NFIA: variants seen among roughly 807,000 people sequenced by gnomAD.
NFIA encodes nuclear factor I A.
Under a neutral mutation model 62.8 loss-of-function variants are expected in NFIA, and 8 were observed. That is an observed-to-expected ratio of 0.13 (90% CI 0.07 to 0.23). The LOEUF (loss-of-function observed/expected upper bound fraction) is 0.23, where lower values mean the gene tolerates loss of function less well. NFIA is among the 10% of genes least tolerant of loss of function. The pLI is 1.00. For synonymous variants in NFIA, 235 were observed against 238.1 expected (o/e 0.99, Z 0.12); for missense variants, 410 against 642.1 (o/e 0.64, Z 3.91).
chr1:61,108,239 T>A (rs1646637952), intron 2 of NFIA, among the ~76,000 whole-genome samples: 1 of 151,728 alleles, frequency 6.6e-6, no homozygotes, highest in Non-Finnish European at 1.5e-5. Context: ...GACATCTTTT[T>A]TTAACTATCA....
At chr1:61,252,351 C>T (rs1354381836) in intron 2 of NFIA, among the ~76,000 whole-genome samples, 1 of 152,134 alleles carries the variant, frequency 6.6e-6, no homozygotes, top group Non-Finnish European at 1.5e-5. Flanking sequence ...TATTCCGGAC[C>T]TGTTTATACT....
intron 2 of NFIA, among the ~76,000 whole-genome samples, chr1:61,189,254 C>G (rs1651435981): frequency 6.6e-6 from 1 of 152,100 alleles, no homozygotes; most frequent in Non-Finnish European, 1.5e-5. Flanking sequence ...GAGTGTGGAG[C>G]TGGGGCCTGA....
chr1:61,436,269 C>T (rs1046588080), intron 10 of NFIA, among the ~76,000 whole-genome samples: 3 of 152,068 alleles, frequency 2.0e-5, no homozygotes, highest in Non-Finnish European at 4.4e-5. Context: ...AGGAAAAGAG[C>T]CTGGTTTTGC....
At chr1:61,245,173 T>C (rs967017631) in intron 2 of NFIA, among the ~76,000 whole-genome samples, 1 of 152,186 alleles carries the variant, frequency 6.6e-6, no homozygotes, top group Non-Finnish European at 1.5e-5. Flanking sequence ...CTATAAAATT[T>C]AGATGGGTTT....
At chr1:61,452,187 C>T (rs2100589795) in intron 10 of NFIA, among the ~76,000 whole-genome samples, 1 of 152,204 alleles carries the variant, frequency 6.6e-6, no homozygotes, top group South Asian at 2.1e-4. Flanking sequence ...GTGACTGTCA[C>T]ACTCATCCCA....
intron 2 of NFIA, among the ~76,000 whole-genome samples, chr1:61,199,924 G>T (rs1159855605): frequency 6.7e-6 from 1 of 149,972 alleles, no homozygotes; most frequent in Non-Finnish European, 1.5e-5. Flanking sequence ...GAAACCAGGA[G>T]GCGGAGGCTG....
chr1:61,177,889 C>T (rs1650499891), intron 2 of NFIA, among the ~76,000 whole-genome samples: 1 of 152,178 alleles, frequency 6.6e-6, no homozygotes, highest in African/African-American at 2.4e-5. Flanking sequence ...TCTTGCAAAT[C>T]AACCTTGGGA....
At chr1:61,239,995 G>C (rs572571239) in intron 2 of NFIA, among the ~76,000 whole-genome samples, 2 of 152,098 alleles carry the variant, frequency 1.3e-5, no homozygotes, top group South Asian at 2.1e-4. Flanking sequence ...TTCTAGCATG[G>C]TTTACGTCAT....
chr1:61,130,763 C>G (rs1232611309), intron 2 of NFIA, among the ~76,000 whole-genome samples: 3 of 152,146 alleles, frequency 2.0e-5, no homozygotes, highest in Non-Finnish European at 4.4e-5. Flanking sequence ...AGTTTGTTTC[C>G]ATTAAGAAAA....
chr1:61,329,356 T>C (rs1292260217), intron 3 of NFIA, among the ~76,000 whole-genome samples: 1 of 151,282 alleles, frequency 6.6e-6, no homozygotes, highest in African/African-American at 2.4e-5. Flanking sequence ...TGAGCCACCA[T>C]ACCTGGCCTA....
chr1:61,087,169 AT>A (rs1166107940), intron 1 of NFIA, among the ~76,000 whole-genome samples: 2 of 151,180 alleles, frequency 1.3e-5, no homozygotes, highest in East Asian at 1.9e-4. Flanking sequence ...TTGAAACTCA[AT>A]TTTTTTTTCA....
rs548434768 is a variant in NFIA at position 61,132,954 on chromosome 1, A to C, written c.559+44274A>C. ...ATGGGGAGCAGACACTGCCCCCCCC[A>C]CCCAGGCTTTTTAAGACTGTGCTTT... On this transcript the variant is annotated intron_variant, in intron 2 of 10. Coordinates refer to ENST00000403491, the MANE Select transcript of NFIA (RefSeq NM_001134673.4). The C allele has an allele frequency of 7.2e-5, 11 of 152,124 alleles. No homozygotes were observed. The South Asian group carries it at 2.1e-3, about 29-fold the overall frequency. 9.4% of individuals were successfully genotyped at this position (152,124 alleles called of 1,614,324 possible). A position where few individuals can be genotyped will look rare whatever the true frequency, so the allele number is the denominator to read the frequency against.
At chr1:61,315,645 C>G (rs1156439483) in intron 3 of NFIA, among the ~76,000 whole-genome samples, 1 of 152,030 alleles carries the variant, frequency 6.6e-6, no homozygotes, top group East Asian at 1.9e-4. Context: ...GAGGAGCTGC[C>G]CTACTTCTGA....
rs545021816 is a variant in NFIA at position 61,460,339 on chromosome 1, C to T, written c.*5019C>T. 1.1e-4 allele frequency: 16 copies of T among 152,284 alleles called. No individual in the cohort carries two copies. The South Asian group carries it at 2.9e-3, about 28-fold the overall frequency. 9.4% of individuals were successfully genotyped at this position (152,284 alleles called of 1,614,324 possible). On this transcript the variant is annotated 3_prime_UTR_variant, in exon 11 of 11. Coordinates refer to ENST00000403491, the MANE Select transcript of NFIA (RefSeq NM_001134673.4). ...ATAGCAGGTAACATTGAAGCTATTC[C>T]ATAGCACTTAACTGTAGTGAATACT... is the stretch of plus-strand genomic sequence containing the variant.
intron 7 of NFIA, among the ~76,000 whole-genome samples, chr1:61,399,199 C>T (rs1412391800): frequency 6.6e-6 from 1 of 152,182 alleles, no homozygotes; most frequent in African/African-American, 2.4e-5. Context: ...GGAATCTCAC[C>T]TGTTGCCACT....
rs72911914 is a variant in NFIA, at chr1:61,281,132, G to A, written c.625+3547G>A. Among the ~76,000 whole-genome samples the A allele has an allele frequency of 2.5e-3, 375 of 151,954 alleles. 1 individual carries two copies. The highest frequency in any genetic ancestry group is 8.8e-3 in the African/African-American group (363 of 41,450). On this transcript the variant is annotated intron_variant, in intron 3 of 10. Coordinates refer to ENST00000403491, the MANE Select transcript of NFIA (RefSeq NM_001134673.4). Reference sequence around the variant, plus strand: ...GCACATGCCTGTAATACCACTACTCGGGAGGCTGAGGCAGCAGACTATCTT... The same window carrying A: ...GCACATGCCTGTAATACCACTACTCAGGAGGCTGAGGCAGCAGACTATCTT...
intron 9 of NFIA, among the ~76,000 whole-genome samples, chr1:61,417,633 CG>C (rs1457484231): frequency 6.6e-6 from 1 of 151,802 alleles, no homozygotes; most frequent in Non-Finnish European, 1.5e-5. Flanking sequence ...AAATTGTGTA[CG>C]AGTATGATCA....
intron 2 of NFIA, among the ~76,000 whole-genome samples, chr1:61,230,105 G>T (rs1033457743): frequency 2.2e-4 from 33 of 152,062 alleles, no homozygotes; most frequent in Non-Finnish European, 3.1e-4. Context: ...TAGACAAAAG[G>T]TTTAATTAAA....
chr1:61,196,146 T>A (rs367885047), intron 2 of NFIA, among the ~76,000 whole-genome samples: 1 of 152,204 alleles, frequency 6.6e-6, no homozygotes, highest in South Asian at 2.1e-4. Context: ...GTGCTTTATA[T>A]GTGTTTTAAA....
Sources: gnomAD v4.1 joint callset for allele counts (sites outside exome capture counted in the v4.1 genomes callset) on GRCh38, gnomAD v4.1.1 for gene constraint, MANE v1.5 for transcripts, NCBI Gene and HGNC (gene_info 2026-07-23, HGNC 2026-07-21) for gene names.